The following RRAGD variants were observed in gnomAD, a reference collection of about 807,000 sequenced individuals.
The protein encoded by RRAGD is Ras related GTP binding D.
Under a neutral mutation model 35.5 loss-of-function variants are expected in RRAGD, and 12 were observed. The ratio of observed to expected loss-of-function variants is 0.34; its 90% confidence interval spans 0.22 to 0.55. The LOEUF is 0.55. Ranked by LOEUF, RRAGD falls within the 20% of genes least tolerant of loss-of-function variation. The probability of loss-of-function intolerance (pLI) is 0.91; values close to 1 mark genes in which losing one functional copy is unlikely to be tolerated. For missense variants in RRAGD, 324 were observed against 490.1 expected (o/e 0.66, Z 3.20); for synonymous variants, 155 against 178.9 (o/e 0.87, Z 1.07).
Position 89,411,498 on chromosome 6 carries a change from C to G in RRAGD, c.148+348G>C. On this transcript the variant is annotated intron_variant, in intron 1 of 6. Transcript: ENST00000369415. The surrounding 1 kb of genome is among the most constrained non-coding windows in gnomAD (Gnocchi z 5.6). ...AGAGGTCCCAGGGCGCGCCCGCGGT[C>G]CCCTCCCCTCCCCAACCGCCAGACG... The G allele has an allele frequency of 3.7e-6, 1 of 267,482 alleles. No homozygotes were observed. Among genetic ancestry groups the G allele is most frequent in the Non-Finnish European group, 7.2e-6 (1 of 138,370 alleles). The allele number at this position is 267,482 out of a possible 1,614,324, so 16.6% of individuals were successfully genotyped here. A position where few individuals can be genotyped will look rare whatever the true frequency, so the allele number is the denominator to read the frequency against.
At chr6:89,405,002 T>A (rs774968747) in intron 1 of RRAGD, among the ~76,000 whole-genome samples, 1 of 152,076 alleles carries the variant, frequency 6.6e-6, no homozygotes, top group Non-Finnish European at 1.5e-5. Context: ...CTCTGAGAGG[T>A]AGCATCTTTG....
intron 2 of RRAGD, among the ~76,000 whole-genome samples, chr6:89,381,329 C>T (rs1012488459): frequency 1.3e-5 from 2 of 152,152 alleles, no homozygotes; most frequent in Non-Finnish European, 2.9e-5. Flanking sequence ...CAGAAAAAGT[C>T]CCCTGGTCTA....
Position 89,388,593 on chromosome 6 carries a change from C to T in RRAGD, c.149-1003G>A, listed in dbSNP as rs565138956. ...AGCAAGTGGCTAACGTATTGGACAGCACAGACACAGAACAGCAGTCCCCAA... is the reference window on the plus strand; with the variant it reads ...AGCAAGTGGCTAACGTATTGGACAGTACAGACACAGAACAGCAGTCCCCAA... On this transcript the variant is annotated intron_variant, in intron 1 of 6. Coordinates refer to ENST00000369415, the MANE Select transcript of RRAGD (RefSeq NM_021244.5). Among the ~76,000 whole-genome samples the T allele has an allele frequency of 2.8e-4, 42 of 152,260 alleles. No individual in the cohort carries two copies. The South Asian group carries it at 8.7e-3, about 32-fold the overall frequency.
In RRAGD at chr6:89,380,308, C is replaced by T. The variant is rs1337804864; in HGVS notation, c.504G>A (p.Val168=). The T allele has an allele frequency of 2.5e-5, 41 of 1,614,242 alleles. No homozygotes were observed. The highest frequency in any genetic ancestry group is 3.3e-5 in the Non-Finnish European group (39 of 1,180,046). ...ACACCTCGAAGTTGATGTCAGTATT[C>T]ACTTTGTAGGCCCTGGTCACCGTGA... The part of the protein sequence containing the change: ...LHLTVTRAYK[V]NTDINFEVFI... Residue 168 remains valine, a synonymous_variant, in exon 3 of 7, where the codon GTG becomes GTA. Coordinates refer to ENST00000369415, the MANE Select transcript of RRAGD (RefSeq NM_021244.5).
At position 89,372,308 on chromosome 6, in the gene RRAGD, A is replaced by AG. The variant is rs1352650963; in HGVS notation, c.1051+128dup. ...GCCCCGCTCTGAACTCCAAGCCAAG[A>AG]GGGCCTGTGACTGGCATCTGGAAGT... On this transcript the variant is annotated intron_variant, in intron 6 of 6. Transcript: ENST00000369415. 13 of 1,018,428 alleles carry AG rather than the reference A, an allele frequency of 1.3e-5. No individual in the cohort carries two copies. The African/African-American group carries it at 2.2e-4, about 17-fold the overall frequency. The allele number at this position is 1,018,428 out of a possible 1,614,324, so 63.1% of individuals were successfully genotyped here. A position where few individuals can be genotyped will look rare whatever the true frequency, so the allele number is the denominator to read the frequency against.
Position 89,367,906 on chromosome 6 carries a change from G to T in RRAGD, c.*150C>A, listed in dbSNP as rs1768782363. The T allele has an allele frequency of 1.7e-6, 1 of 598,396 alleles. No homozygotes were observed. The highest frequency in any genetic ancestry group is 2.6e-6 in the Non-Finnish European group (1 of 377,484). 37.1% of individuals were successfully genotyped at this position (598,396 alleles called of 1,614,324 possible). On this transcript the variant is annotated 3_prime_UTR_variant, in exon 7 of 7. Transcript: ENST00000369415. ...AAGTGCTTACTTTATTTATAAAAGA[G>T]AAGATCAAGAGGGTTGCAGGAATTT...
At chr6:89,370,742 A>G (rs527732896) in intron 6 of RRAGD, among the ~76,000 whole-genome samples, 1 of 152,328 alleles carries the variant, frequency 6.6e-6, no homozygotes, top group South Asian at 2.1e-4. Context: ...AAGACGGTGA[A>G]TTGGAAACAT....
chr6:89,412,024 G>T lies in RRAGD; in HGVS notation c.-31C>A, dbSNP rs556981354. 4 of 1,518,966 alleles carry T rather than the reference G, an allele frequency of 2.6e-6. No homozygotes were observed. The African/African-American group carries it at 5.6e-5, about 21-fold the overall frequency. The allele number at this position is 1,518,966 out of a possible 1,614,324, so 94.1% of individuals were successfully genotyped here. On this transcript the variant is annotated 5_prime_UTR_variant, in exon 1 of 7. Transcript: ENST00000369415. The surrounding 1 kb of genome is among the most constrained non-coding windows in gnomAD (Gnocchi z 4.2). ...CCACCGGCCGGCCGGCCCGGGGACG[G>T]CGGGGGTCCCGGGGTGGGGGCCAAG...
intron 1 of RRAGD, among the ~76,000 whole-genome samples, chr6:89,403,627 CTT>C (rs10715442): frequency 0.12 from 13,541 of 116,478 alleles, 843 homozygotes; most frequent in East Asian, 0.26. Flanking sequence ...TTTTCTTTTT[CTT>C]TTTTTTTTTT....
At position 89,411,949 on chromosome 6, in the gene RRAGD, G is replaced by A. The variant is rs369346765; in HGVS notation, c.45C>T (p.Asp15=). 1.9e-6 allele frequency: 3 copies of A among 1,538,856 alleles called. No homozygotes were observed. Among genetic ancestry groups the A allele is most frequent in the Non-Finnish European group, 2.6e-6 (3 of 1,146,136 alleles). The change falls in exon 1 of 7, where the codon GAC becomes GAT. Residue 15 remains aspartate, a synonymous_variant. Transcript: ENST00000369415. This position sits in a 1 kb window ranked among gnomAD's most constrained non-coding sequence, Gnocchi z 5.6. ...LGKPQPQDED[D]AEEEEEEDEL... ...CATCCTCCTCCTCCTCCTCCTCCGC[G>A]TCGTCCTCGTCCTGCGGCTGCGGCT...
At chr6:89,385,249 A>G (rs1227196265) in intron 2 of RRAGD, among the ~76,000 whole-genome samples, 1 of 152,204 alleles carries the variant, frequency 6.6e-6, no homozygotes, top group African/African-American at 2.4e-5. Context: ...GCAAATTGCT[A>G]TGTAAGCACA....
intron 1 of RRAGD, among the ~76,000 whole-genome samples, chr6:89,410,452 G>T (rs912690944): frequency 6.6e-6 from 1 of 152,210 alleles, no homozygotes; most frequent in Non-Finnish European, 1.5e-5. Context: ...ATTACGGAAG[G>T]TAGCTCTAGA....
chr6:89,371,093 A>C (rs1253008583), intron 6 of RRAGD, among the ~76,000 whole-genome samples: 2 of 151,766 alleles, frequency 1.3e-5, no homozygotes, highest in East Asian at 1.9e-4. Flanking sequence ...CTATATTAGA[A>C]TATAAAACTA....
At position 89,412,034 on chromosome 6, in the gene RRAGD, CG is replaced by C; in HGVS notation, c.-42del. 1 of 1,512,248 alleles carries C rather than the reference CG, an allele frequency of 6.6e-7. No individual in the cohort carries two copies. The highest frequency in any genetic ancestry group is 8.8e-7 in the Non-Finnish European group (1 of 1,135,058). 93.7% of individuals were successfully genotyped at this position (1,512,248 alleles called of 1,614,324 possible). A position where few individuals can be genotyped will look rare whatever the true frequency, so the allele number is the denominator to read the frequency against. On this transcript the variant is annotated 5_prime_UTR_variant, in exon 1 of 7. Coordinates refer to ENST00000369415, the MANE Select transcript of RRAGD (RefSeq NM_021244.5). This position sits in a 1 kb window ranked among gnomAD's most constrained non-coding sequence, Gnocchi z 4.2. ...GCCGGCCCGGGGACGGCGGGGGTCC[CG>C]GGGTGGGGGCCAAGCCTCCTAGCCG...
rs1302035202 is a variant in RRAGD, at chr6:89,411,570, A to T, written c.148+276T>A. The T allele has an allele frequency of 2.2e-6, 1 of 453,966 alleles. No homozygotes were observed. The highest frequency in any genetic ancestry group is 2.1e-5 in the African/African-American group (1 of 47,648). 28.1% of individuals were successfully genotyped at this position (453,966 alleles called of 1,614,324 possible). ...GGGCGCGGGAGGCACCGGCTCTGAA[A>T]GGGGCAGAAGCGCGCGCTCCTCCAG... On this transcript the variant is annotated intron_variant, in intron 1 of 6. Coordinates refer to ENST00000369415, the MANE Select transcript of RRAGD (RefSeq NM_021244.5). The surrounding 1 kb of genome is among the most constrained non-coding windows in gnomAD (Gnocchi z 5.6).
At chr6:89,393,350 A>T (rs544444890) in intron 1 of RRAGD, among the ~76,000 whole-genome samples, 7 of 152,366 alleles carry the variant, frequency 4.6e-5, no homozygotes, top group African/African-American at 1.7e-4. Context: ...AACAGGAAGG[A>T]ATATGAAGAC....
At chr6:89,373,860 T>C (rs749997165) in intron 5 of RRAGD, among the ~76,000 whole-genome samples, 16 of 152,182 alleles carry the variant, frequency 1.1e-4, no homozygotes, top group Non-Finnish European at 2.1e-4. Flanking sequence ...GCTGAGAACA[T>C]AAAATACACA....
chr6:89,405,282 A>G (rs528510647), intron 1 of RRAGD, among the ~76,000 whole-genome samples: 1 of 133,612 alleles, frequency 7.5e-6, no homozygotes, highest in Admixed American at 8.4e-5. Context: ...TGAACCTGGG[A>G]GGCGGAGCTT....
chr6:89,378,435 T>C (rs929165934), intron 4 of RRAGD, among the ~76,000 whole-genome samples: 4 of 152,226 alleles, frequency 2.6e-5, no homozygotes, highest in African/African-American at 9.6e-5. Flanking sequence ...TTACTGACTG[T>C]AAATTTTAAA....
Sources: gnomAD v4.1 joint callset for allele counts (sites outside exome capture counted in the v4.1 genomes callset) on GRCh38, gnomAD v4.1.1 for gene constraint, Gnocchi (gnomAD v3.1) non-coding constraint, MANE v1.5 for transcripts, NCBI Gene and HGNC (gene_info 2026-07-23, HGNC 2026-07-21) for gene names.